The following ABCC6 variants were observed in gnomAD, a reference collection of about 807,000 sequenced individuals.
ABCC6 encodes ATP-binding cassette sub-family C member 6.
ABCC6 carries 126 observed loss-of-function variants against 169.5 expected under a neutral mutation model. The observed-to-expected ratio is 0.74, with a 90% CI of 0.64 to 0.86. ABCC6 has a LOEUF of 0.86. Ranked by LOEUF, ABCC6 falls within the 40% of genes least tolerant of loss-of-function variation. The pLI, the probability that ABCC6 is intolerant of heterozygous loss-of-function variation, is 0.00. For missense variants in ABCC6, 1,733 were observed against 1,927.2 expected (o/e 0.90, Z 1.89); for synonymous variants, 752 against 814.7 (o/e 0.92, Z 1.31).
chr16:16,204,054 TC>T (rs888290719), intron 7 of ABCC6, among the ~76,000 whole-genome samples: 12 of 151,682 alleles, frequency 7.9e-5, no homozygotes, highest in African/African-American at 2.9e-4. Context: ...TTTTCTTTTT[TC>T]TTTTCCTTTT....
At chr16:16,157,613 G>A (rs1312564417) in intron 27 of ABCC6, 50 bp downstream of exon 27, 1 of 1,612,312 alleles carries the variant, frequency 6.2e-7, no homozygotes, top group East Asian at 2.2e-5. Context: ...TGTCCCTGGA[G>A]TCCTTTGGCC....
intron 7 of ABCC6, among the ~76,000 whole-genome samples, chr16:16,208,080 C>A (rs1340178054): frequency 3.3e-5 from 5 of 152,116 alleles, no homozygotes; most frequent in African/African-American, 4.8e-5. Flanking sequence ...AGTAAGTGAG[C>A]AGCTGCTTGT....
At chr16:16,198,854 C>A (rs375075550) in intron 9 of ABCC6, among the ~76,000 whole-genome samples, 4 of 151,916 alleles carry the variant, frequency 2.6e-5, no homozygotes, top group African/African-American at 9.7e-5. Flanking sequence ...ATTAGCTGGG[C>A]ATGGTGGCAG....
At chr16:16,178,703 G>T in intron 18 of ABCC6, 95 bp downstream of exon 18, 1 of 1,414,336 alleles carries the variant, frequency 7.1e-7, no homozygotes, top group Non-Finnish European at 1.0e-6. Flanking sequence ...GACTCAAGTG[G>T]AAGGGGGAGG....
Position 16,202,086 on chromosome 16 carries a change from G to C in ABCC6, c.1091C>G (p.Thr364Arg), listed in dbSNP as rs72653759. 127 of 1,613,992 alleles carry C rather than the reference G, an allele frequency of 7.9e-5. No homozygotes were observed. Among genetic ancestry groups the C allele is most frequent in the Non-Finnish European group, 1.1e-4 (124 of 1,179,880 alleles). ...GTACATGTTCTGCTGCTCAAACAGC[G>C]TTTGCAGGCAGGCTGAGAGGAACAT... Reference protein sequence around the residue: ...VLMFLSACLQTLFEQQNMYRL... With the variant: ...VLMFLSACLQRLFEQQNMYRL... The change falls in exon 9 of 31, where the codon ACG becomes AGG. Residue 364 changes from threonine to arginine, a missense_variant. Thr to Arg is a moderately conservative substitution (Grantham distance 71). Transcript: ENST00000205557.
At chr16:16,217,855 C>T (rs919768917) in intron 4 of ABCC6, among the ~76,000 whole-genome samples, 4 of 152,180 alleles carry the variant, frequency 2.6e-5, no homozygotes, top group African/African-American at 4.8e-5. Flanking sequence ...TTTGGGAGGC[C>T]GAGGCGGGTG....
At chr16:16,162,729 G>C (rs2046757017) in intron 24 of ABCC6, among the ~76,000 whole-genome samples, 1 of 152,198 alleles carries the variant, frequency 6.6e-6, no homozygotes, top group African/African-American at 2.4e-5. Flanking sequence ...TTATATGGCT[G>C]CTTTATCACC....
At chr16:16,189,537 A>C (rs993563048) in intron 12 of ABCC6, among the ~76,000 whole-genome samples, 4 of 150,098 alleles carry the variant, frequency 2.7e-5, no homozygotes, top group Admixed American at 6.6e-5. Flanking sequence ...CCTGCCTCAG[A>C]CTCCCAAGTA....
intron 10 of ABCC6, among the ~76,000 whole-genome samples, chr16:16,195,637 G>A (rs1479365075): frequency 6.6e-6 from 1 of 151,908 alleles, no homozygotes; most frequent in Non-Finnish European, 1.5e-5. Flanking sequence ...TTTTAGCAAC[G>A]GTGGGGTCAA....
intron 11 of ABCC6, 92 bp downstream of exon 11, chr16:16,192,738 G>A (rs1209191014): frequency 1.4e-5 from 17 of 1,206,496 alleles, no homozygotes; most frequent in East Asian, 4.8e-5. Context: ...CCGTGGGCTC[G>A]CACTCAGCTC....
chr16:16,213,623 C>T (rs550221961), intron 5 of ABCC6, among the ~76,000 whole-genome samples: 1 of 141,294 alleles, frequency 7.1e-6, no homozygotes, highest in African/African-American at 2.6e-5. Flanking sequence ...TGCAAATGCA[C>T]AGTCTTGGCT....
intron 26 of ABCC6, 85 bp from the exon 27 acceptor site, chr16:16,157,894 C>G (rs753800428): frequency 3.8e-5 from 55 of 1,447,674 alleles, no homozygotes; most frequent in Non-Finnish European, 5.0e-5. Context: ...CTTCAGTTTT[C>G]TCTTCCGCAA....
At chr16:16,170,429 G>C (rs1463002757) in intron 21 of ABCC6, among the ~76,000 whole-genome samples, 1 of 152,010 alleles carries the variant, frequency 6.6e-6, no homozygotes, top group Non-Finnish European at 1.5e-5. Context: ...CCCACCATAG[G>C]TCAGGCATGT....
chr16:16,162,350 G>A (rs866083345), intron 24 of ABCC6, among the ~76,000 whole-genome samples: 1 of 152,214 alleles, frequency 6.6e-6, no homozygotes, highest in Admixed American at 6.5e-5. Flanking sequence ...GGCTCTGCCA[G>A]TATTAGCTGT....
intron 18 of ABCC6, among the ~76,000 whole-genome samples, 162 bp from the exon 19 acceptor site, chr16:16,177,788 C>A (rs553138765): frequency 6.6e-6 from 1 of 151,914 alleles, no homozygotes; most frequent in East Asian, 2.0e-4. Flanking sequence ...ACTAAAAATA[C>A]AAAAATTAGC....
chr16:16,150,531 C>G (rs764240446), intron 30 of ABCC6, 47 bp downstream of exon 30: 7 of 1,590,988 alleles, frequency 4.4e-6, no homozygotes, highest in Middle Eastern at 2.1e-4. Flanking sequence ...CTCCTTCCCC[C>G]ACCACTGCAG....
chr16:16,209,631 TCTCA>T (rs1207632415), intron 6 of ABCC6, among the ~76,000 whole-genome samples: 1 of 151,388 alleles, frequency 6.6e-6, no homozygotes, highest in Non-Finnish European at 1.5e-5. Flanking sequence ...TGAGATGGAG[TCTCA>T]CTCTGTTGCC....
At position 16,178,894 on chromosome 16, in the gene ABCC6, C is replaced by T; in HGVS notation, c.2319G>A (p.Val773=). ...LARAVYRKAA[V]YLLDDPLAAL... ...CCGCCAGGGGGTCATCCAGCAGGTACACAGCTGCCTTTCTGTATACAGCCC... is the reference window on the plus strand; with the variant it reads ...CCGCCAGGGGGTCATCCAGCAGGTATACAGCTGCCTTTCTGTATACAGCCC... The change falls in exon 18 of 31, where the codon GTG becomes GTA. Residue 773 remains valine, a synonymous_variant. Transcript: ENST00000205557. 2 of 1,613,878 alleles carry T rather than the reference C, an allele frequency of 1.2e-6. No homozygotes were observed. The highest frequency in any genetic ancestry group is 2.2e-5 in the South Asian group (2 of 91,082).
intron 12 of ABCC6, 84 bp downstream of exon 12, chr16:16,190,079 TG>T (rs1320529024): frequency 6.9e-6 from 10 of 1,444,080 alleles, no homozygotes; most frequent in South Asian, 4.6e-5. Context: ...TGGTAGGATC[TG>T]GGGGGCTCCA....
Sources: gnomAD v4.1 joint callset for allele counts (sites outside exome capture counted in the v4.1 genomes callset) on GRCh38, gnomAD v4.1.1 for gene constraint, MANE v1.5 for transcripts, NCBI Gene and HGNC (gene_info 2026-07-23, HGNC 2026-07-21) for gene names.